The following DDX23 variants were observed in gnomAD, a reference collection of about 807,000 sequenced individuals.
DDX23 encodes the protein probable ATP-dependent RNA helicase DDX23.
In DDX23, 33 loss-of-function variants were observed where a neutral mutation model predicts 102.7. The ratio of observed to expected loss-of-function variants is 0.32; its 90% CI spans 0.24 to 0.43. The LOEUF (loss-of-function observed/expected upper bound fraction) is 0.43, where lower values mean the gene tolerates loss of function less well. DDX23 is among the 20% of genes least tolerant of loss of function. The pLI is 1.00. For missense variants in DDX23, 549 were observed against 1,086.6 expected (o/e 0.51, Z 6.96); for synonymous variants, 352 against 376.0 (o/e 0.94, Z 0.74).
At chr12:48,847,191 T>C (rs1938682284) in intron 1 of DDX23, 1 of 152,232 alleles carries the variant, frequency 6.6e-6, no homozygotes, top group African/African-American at 2.4e-5. Flanking sequence ...CTGATTGTTC[T>C]GTATCAGTAC....
intron 11 of DDX23, chr12:48,835,184 G>A: frequency 3.7e-6 from 1 of 272,900 alleles, no homozygotes; most frequent in Non-Finnish European, 7.8e-6. Flanking sequence ...AACGGTTGCT[G>A]TAAGCCAAGA....
In DDX23 at chr12:48,830,295, T is replaced by C; in HGVS notation, c.*174A>G. ...CCTCCGACAGCGTCGTCCTCTCCTT[T>C]TGCAGCCCCACACGCAGGCCTCCTG... is the stretch of plus-strand genomic sequence containing the variant. On this transcript the variant is annotated 3_prime_UTR_variant, in exon 17 of 17. Coordinates refer to ENST00000308025, the MANE Select transcript of DDX23 (RefSeq NM_004818.3). The surrounding 1 kb of genome is among the most constrained non-coding windows in gnomAD (Gnocchi z 4.9). 1.2e-6 allele frequency: 1 copy of C among 800,524 alleles called. No homozygotes were observed. Among genetic ancestry groups the C allele is most frequent in the East Asian group, 2.7e-5 (1 of 37,378 alleles). The allele number at this position is 800,524 out of a possible 1,614,324, so 49.6% of individuals were successfully genotyped here.
rs772305729 is a variant in DDX23 at position 48,836,560 on chromosome 12, C to T, written c.1236+9G>A. 7.4e-6 allele frequency: 12 copies of T among 1,611,070 alleles called. No individual in the cohort carries two copies. Among genetic ancestry groups the T allele is most frequent in the African/African-American group, 4.0e-5 (3 of 74,838 alleles). Reference sequence around the variant, plus strand: ...GTCAGATCTCTTGGGCCAATCTATCCCTCCTTACCTTGTAGCCACACTTAT... The same window carrying T: ...GTCAGATCTCTTGGGCCAATCTATCTCTCCTTACCTTGTAGCCACACTTAT... On this transcript the variant is annotated intron_variant, in intron 10 of 16. Coordinates refer to ENST00000308025, the MANE Select transcript of DDX23 (RefSeq NM_004818.3). This position sits in a 1 kb window ranked among gnomAD's most constrained non-coding sequence, Gnocchi z 6.1.
At position 48,832,547 on chromosome 12, in the gene DDX23, G is replaced by A. The variant is rs758965988; in HGVS notation, c.1830C>T (p.Pro610=). 1 of 1,614,164 alleles carries A rather than the reference G, an allele frequency of 6.2e-7. No homozygotes were observed. The change falls in exon 14 of 17, where the codon CCC becomes CCT. Residue 610 remains proline (P), a synonymous_variant. Transcript: ENST00000308025. The surrounding 1 kb of genome is among the most constrained non-coding windows in gnomAD (Gnocchi z 4.4). ...RQTVMFTATM[P]PAVERLARSY... ...TCCTGGCCAGACGCTCCACCGCTGG[G>A]GGCATGGTGGCCGTGAACATGACTG... is the stretch of plus-strand genomic sequence containing the variant.
Position 48,844,045 on chromosome 12 carries a change from C to T in DDX23, c.215G>A (p.Arg72Gln), listed in dbSNP as rs770776553. Residue 72 changes from arginine to glutamine, a missense_variant, in exon 3 of 17, where the codon CGA becomes CAA. Arg to Gln is a conservative substitution (Grantham distance 43). Coordinates refer to ENST00000308025, the MANE Select transcript of DDX23 (RefSeq NM_004818.3). Reference sequence around the variant, plus strand: ...ATCTCGTTCTCGTTCTTTGTGCCGTCGTTCTCTGGAAGACCGCAAATTTAA... The same window carrying T: ...ATCTCGTTCTCGTTCTTTGTGCCGTTGTTCTCTGGAAGACCGCAAATTTAA... Reference protein sequence around the residue: ...RSRSKSAERERRHKERERDKE... With the variant: ...RSRSKSAEREQRHKERERDKE... The T allele has an allele frequency of 5.6e-6, 9 of 1,613,972 alleles. No homozygotes were observed. The highest frequency in any genetic ancestry group is 1.1e-5 in the South Asian group (1 of 91,086).
chr12:48,847,645 T>C (rs1565679880), intron 1 of DDX23, among the ~76,000 whole-genome samples: 1 of 150,592 alleles, frequency 6.6e-6, no homozygotes, highest in African/African-American at 2.4e-5. Context: ...CTGGGCAATA[T>C]GGCAAAAACC....
At chr12:48,842,483 G>A (rs1412238308) in intron 3 of DDX23, among the ~76,000 whole-genome samples, 15 of 132,598 alleles carry the variant, frequency 1.1e-4, no homozygotes, top group African/African-American at 2.6e-4. Flanking sequence ...CAGCCACCCC[G>A]TCCGGGAGGA....
chr12:48,832,890 G>A lies in DDX23; in HGVS notation c.1804-317C>T. 1 of 461,074 alleles carries A rather than the reference G, an allele frequency of 2.2e-6. No individual in the cohort carries two copies. Among genetic ancestry groups the A allele is most frequent in the Non-Finnish European group, 3.9e-6 (1 of 256,430 alleles). 28.6% of individuals were successfully genotyped at this position (461,074 alleles called of 1,614,324 possible). ...TGGCTCCACCCTTAGGACTGTCAGA[G>A]GACTGTACCTAGGCACACTTCATTC... On this transcript the variant is annotated intron_variant, in intron 13 of 16. Transcript: ENST00000308025. This position sits in a 1 kb window ranked among gnomAD's most constrained non-coding sequence, Gnocchi z 4.4.
Position 48,832,894 on chromosome 12 carries a change from T to G in DDX23, c.1804-321A>C. On this transcript the variant is annotated intron_variant, in intron 13 of 16. Transcript: ENST00000308025. The surrounding 1 kb of genome is among the most constrained non-coding windows in gnomAD (Gnocchi z 4.4). ...TCCACCCTTAGGACTGTCAGAGGAC[T>G]GTACCTAGGCACACTTCATTCTAGA... The G allele has an allele frequency of 2.2e-6, 1 of 458,580 alleles. No homozygotes were observed. The highest frequency in any genetic ancestry group is 3.8e-5 in the Admixed American group (1 of 26,274). 28.4% of individuals were successfully genotyped at this position (458,580 alleles called of 1,614,324 possible). A position where few individuals can be genotyped will look rare whatever the true frequency, so the allele number is the denominator to read the frequency against.
intron 12 of DDX23, 176 bp from the exon 13 acceptor site, chr12:48,833,695 G>C: frequency 2.6e-6 from 2 of 767,230 alleles, no homozygotes; most frequent in Non-Finnish European, 4.1e-6. Flanking sequence ...CTTGTTGCCT[G>C]GATTTTCTCA....
Position 48,832,325 on chromosome 12 carries a change from C to T in DDX23, c.1955+97G>A, listed in dbSNP as rs938924900. 4 of 1,552,324 alleles carry T rather than the reference C, an allele frequency of 2.6e-6. No homozygotes were observed. The highest frequency in any genetic ancestry group is 3.4e-4 in the Middle Eastern group (2 of 5,860). Reference sequence around the variant, plus strand: ...CCAAGAAAACAGCAGCTCTTCAACACAGCAGAGCAATTGCCCTGCCCTGCA... The same window carrying T: ...CCAAGAAAACAGCAGCTCTTCAACATAGCAGAGCAATTGCCCTGCCCTGCA... On this transcript the variant is annotated intron_variant, in intron 14 of 16. Transcript: ENST00000308025. This position sits in a 1 kb window ranked among gnomAD's most constrained non-coding sequence, Gnocchi z 4.4.
At chr12:48,842,399 G>A (rs1337574818) in intron 3 of DDX23, among the ~76,000 whole-genome samples, 2 of 144,152 alleles carry the variant, frequency 1.4e-5, no homozygotes, top group Admixed American at 6.8e-5. Context: ...GGAAGGAGGT[G>A]GGGGAGGTCA....
rs1938410649 is a variant in DDX23 at position 48,832,813 on chromosome 12, G to A, written c.1804-240C>T. ...TTGAGAGCATTTGCTAGCACCTGTG[G>A]TCCCGGTAGCAGCATGAGTCTTTGG... is the stretch of plus-strand genomic sequence containing the variant. On this transcript the variant is annotated intron_variant, in intron 13 of 16. Transcript: ENST00000308025. The surrounding 1 kb of genome is among the most constrained non-coding windows in gnomAD (Gnocchi z 4.4). The A allele has an allele frequency of 1.8e-6, 1 of 560,022 alleles. No homozygotes were observed. Among genetic ancestry groups the A allele is most frequent in the Non-Finnish European group, 3.1e-6 (1 of 322,288 alleles). 34.7% of individuals were successfully genotyped at this position (560,022 alleles called of 1,614,324 possible). A position where few individuals can be genotyped will look rare whatever the true frequency, so the allele number is the denominator to read the frequency against.
rs1245012421 is a variant in DDX23 at position 48,830,277 on chromosome 12, C to A, written c.*192G>T. On this transcript the variant is annotated 3_prime_UTR_variant, in exon 17 of 17. Coordinates refer to ENST00000308025, the MANE Select transcript of DDX23 (RefSeq NM_004818.3). This position sits in a 1 kb window ranked among gnomAD's most constrained non-coding sequence, Gnocchi z 4.9. ...GGTAATTTGCTCTCCCTGCCTCCGACAGCGTCGTCCTCTCCTTTTGCAGCC... is the reference window on the plus strand; with the variant it reads ...GGTAATTTGCTCTCCCTGCCTCCGAAAGCGTCGTCCTCTCCTTTTGCAGCC... 5.4e-6 allele frequency: 4 copies of A among 735,780 alleles called. No individual in the cohort carries two copies. The highest frequency in any genetic ancestry group is 9.6e-6 in the Non-Finnish European group (4 of 417,884). The allele number at this position is 735,780 out of a possible 1,614,324, so 45.6% of individuals were successfully genotyped here.
intron 3 of DDX23, 90 bp downstream of exon 3, chr12:48,843,849 GA>G: frequency 1.4e-6 from 2 of 1,439,716 alleles, no homozygotes; most frequent in Non-Finnish European, 1.9e-6. Flanking sequence ...CGCCTGGCGA[GA>G]AATCTACTTT....
intron 3 of DDX23, among the ~76,000 whole-genome samples, chr12:48,842,449 A>AG (rs1174816133): frequency 1.0e-5 from 1 of 95,714 alleles, no homozygotes; most frequent in Non-Finnish European, 2.1e-5. Flanking sequence ...GGAGGGAGGT[A>AG]GGGGGGTCAG....
rs1488432181 is a variant in DDX23 at position 48,830,103 on chromosome 12, A to G, written c.*366T>C. 1.2e-5 allele frequency: 5 copies of G among 430,444 alleles called. No homozygotes were observed. The highest frequency in any genetic ancestry group is 1.0e-4 in the Admixed American group (4 of 38,232). The allele number at this position is 430,444 out of a possible 1,614,324, so 26.7% of individuals were successfully genotyped here. The stretch of plus-strand genomic sequence containing the variant: ...TGCAGTTTATGCAGTTACACAGTCA[A>G]GTCTGTGCCAAAGGAGGTCCCATCC... On this transcript the variant is annotated 3_prime_UTR_variant, in exon 17 of 17. Transcript: ENST00000308025. This position sits in a 1 kb window ranked among gnomAD's most constrained non-coding sequence, Gnocchi z 4.9.
intron 1 of DDX23, among the ~76,000 whole-genome samples, chr12:48,846,661 A>G (rs1805862270): frequency 6.6e-6 from 1 of 152,212 alleles, no homozygotes; most frequent in South Asian, 2.1e-4. Flanking sequence ...CAGAACCTCT[A>G]TACACATTTT....
At chr12:48,843,102 T>G (rs1938597969) in intron 3 of DDX23, among the ~76,000 whole-genome samples, 1 of 149,528 alleles carries the variant, frequency 6.7e-6, no homozygotes, top group African/African-American at 2.5e-5. Flanking sequence ...GAAGGCAGCA[T>G]GCTCGTTAAG....
Sources: allele counts gnomAD v4.1 joint callset (sites outside exome capture counted in the v4.1 genomes callset), GRCh38; gene constraint gnomAD v4.1.1; non-coding constraint Gnocchi (gnomAD v3.1); transcripts MANE v1.5; gene names NCBI Gene and HGNC (gene_info 2026-07-23, HGNC 2026-07-21).